Variants in C9orf153 observed in about 807,000 individuals in gnomAD.
C9orf153 encodes the protein chromosome 9 open reading frame 153, also known as uncharacterized protein C9orf153.
A neutral mutation model predicts 9.0 loss-of-function variants in C9orf153; 10 were observed. That is an observed-to-expected ratio of 1.11 (90% CI 0.69 to 1.89). The LOEUF is 1.89. Among genes scored for constraint, C9orf153 ranks in the 40% most tolerant of loss-of-function variants. The probability of loss-of-function intolerance (pLI) is 0.00; values close to 1 mark genes in which losing one functional copy is unlikely to be tolerated. For synonymous variants in C9orf153, 35 were observed against 37.3 expected, an observed-to-expected ratio of 0.94 and a Z score of 0.23; for missense variants, 108 against 111.0, an observed-to-expected ratio of 0.97 and a Z score of 0.12.
At chr9:86,242,621 TTGTC>T (rs1271726110) in intron 1 of C9orf153, among the ~76,000 whole-genome samples, 3 of 152,150 alleles carry the variant, frequency 2.0e-5, no homozygotes, top group South Asian at 2.1e-4. Flanking sequence ...GAAAATACGT[TTGTC>T]TGTCAAGTGA....
At chr9:86,242,160 G>A (rs924155851) in intron 1 of C9orf153, among the ~76,000 whole-genome samples, 2 of 152,134 alleles carry the variant, frequency 1.3e-5, no homozygotes, top group African/African-American at 4.8e-5. Context: ...TGAGCCCTGA[G>A]AAAAACAGGA....
chr9:86,229,584 G>A lies in C9orf153; in HGVS notation c.20C>T (p.Thr7Ile). The A allele has an allele frequency of 6.2e-7, 1 of 1,612,498 alleles. No homozygotes were observed. Among genetic ancestry groups the A allele is most frequent in the Non-Finnish European group, 8.5e-7 (1 of 1,178,598 alleles). The change falls in exon 2 of 4, where the codon ACC (threonine) becomes ATC (isoleucine). Residue 7 changes from threonine (T) to isoleucine (I), a missense_variant. Coordinates refer to ENST00000339137, the MANE Select transcript of C9orf153 (RefSeq NM_001276366.4). ...TTCTCTATTGTCCTCAGCTGGACTG[G>A]TGTCTCCAGTGAGGAACATCGTGCT... MFLTGD[T>I]SPAEDNREAT...
chr9:86,254,804 C>A (rs1825076744), intron 1 of C9orf153, among the ~76,000 whole-genome samples: 1 of 152,150 alleles, frequency 6.6e-6, no homozygotes, highest in African/African-American at 2.4e-5. Context: ...CACCTGTAAT[C>A]CCAGCACTGT....
intron 1 of C9orf153, among the ~76,000 whole-genome samples, chr9:86,248,228 G>A (rs988484406): frequency 6.6e-6 from 1 of 151,934 alleles, no homozygotes; most frequent in African/African-American, 2.4e-5. Context: ...CCACCTCTTG[G>A]GTTCAAGCGA....
At position 86,229,648 on chromosome 9, in the gene C9orf153, G is replaced by A. The variant is rs1824423052; in HGVS notation, c.-26-19C>T. 1 of 1,396,420 alleles carries A rather than the reference G, an allele frequency of 7.2e-7. No individual in the cohort carries two copies. The highest frequency in any genetic ancestry group is 1.0e-6 in the Non-Finnish European group (1 of 989,536). The allele number at this position is 1,396,420 out of a possible 1,614,324, so 86.5% of individuals were successfully genotyped here. A position where few individuals can be genotyped will look rare whatever the true frequency, so the allele number is the denominator to read the frequency against. On this transcript the variant is annotated intron_variant, in intron 1 of 3. Coordinates refer to ENST00000339137, the MANE Select transcript of C9orf153 (RefSeq NM_001276366.4). ...CTAATTCCTAAAAAAAGCAATATGAGAAAAGACAAAAATCAAAGATTAAAA... is the reference window on the plus strand; with the variant it reads ...CTAATTCCTAAAAAAAGCAATATGAAAAAAGACAAAAATCAAAGATTAAAA...
chr9:86,242,127 G>A (rs1171825193), intron 1 of C9orf153, among the ~76,000 whole-genome samples: 1 of 152,196 alleles, frequency 6.6e-6, no homozygotes, highest in African/African-American at 2.4e-5. Flanking sequence ...TAACATTTGA[G>A]CCAAAGCCTG....
chr9:86,237,239 T>C (rs73486916), intron 1 of C9orf153, among the ~76,000 whole-genome samples: 9,612 of 152,070 alleles, frequency 0.063, 1,069 homozygotes, highest in African/African-American at 0.22. Flanking sequence ...CTATTAAAAC[T>C]ACAAGAGGCA....
chr9:86,232,592 C>T (rs963350559), intron 1 of C9orf153, among the ~76,000 whole-genome samples: 6 of 152,094 alleles, frequency 3.9e-5, no homozygotes, highest in African/African-American at 1.4e-4. Flanking sequence ...GGATGGTATC[C>T]TCTTCTCCAT....
intron 3 of C9orf153, among the ~76,000 whole-genome samples, chr9:86,226,751 T>TTTTG (rs548367748): frequency 3.1e-4 from 45 of 146,436 alleles, no homozygotes; most frequent in Admixed American, 7.4e-4. Context: ...TTTCATGGTT[T>TTTTG]TTTGTTTGTT....
Position 86,229,694 on chromosome 9 carries a change from G to A in C9orf153, c.-26-65C>T. 6 of 925,700 alleles carry A rather than the reference G, an allele frequency of 6.5e-6. No homozygotes were observed. In the South Asian group the frequency reaches 8.9e-5, roughly 14 times the overall value. The allele number at this position is 925,700 out of a possible 1,614,324, so 57.3% of individuals were successfully genotyped here. ...TAAAAATCAGATAGAATACAAAGGG[G>A]GAGGTGAGACTTCTTAAATCTTAAT... On this transcript the variant is annotated intron_variant, in intron 1 of 3. Transcript: ENST00000339137.
chr9:86,244,481 T>C (rs1824821217), intron 1 of C9orf153, among the ~76,000 whole-genome samples: 1 of 152,232 alleles, frequency 6.6e-6, no homozygotes, highest in Admixed American at 6.5e-5. Context: ...AACACTGATT[T>C]AGTAGTGGTC....
chr9:86,258,730 C>CT (rs200388445), intron 1 of C9orf153: 3 of 152,248 alleles, frequency 2.0e-5, no homozygotes, highest in East Asian at 1.9e-4. Flanking sequence ...TTTAACGAAA[C>CT]TTTTTTTAAA....
intron 3 of C9orf153, chr9:86,227,520 C>T: frequency 7.3e-7 from 1 of 1,366,368 alleles, no homozygotes; most frequent in Middle Eastern, 2.0e-4. Context: ...TTTTCTCCCA[C>T]ATGGCCTCAT....
At chr9:86,243,350 C>T (rs933130001) in intron 1 of C9orf153, among the ~76,000 whole-genome samples, 1 of 152,112 alleles carries the variant, frequency 6.6e-6, no homozygotes, top group Admixed American at 6.6e-5. Flanking sequence ...CAAGTATAAA[C>T]CTTTCACTAC....
At chr9:86,221,775 A>G in intron 3 of C9orf153, 42 bp from the exon 4 acceptor site, 12 of 1,382,994 alleles carry the variant, frequency 8.7e-6, no homozygotes, top group Middle Eastern at 1.8e-4. Context: ...TGGTGTTGTT[A>G]CTCAGCCTTT....
At chr9:86,238,097 C>A (rs369742165) in intron 1 of C9orf153, among the ~76,000 whole-genome samples, 105 of 151,962 alleles carry the variant, frequency 6.9e-4, no homozygotes, top group African/African-American at 2.4e-3. Flanking sequence ...AACCAAAAAA[C>A]AAAACAAAAC....
At chr9:86,225,543 C>G (rs1457452455) in intron 3 of C9orf153, among the ~76,000 whole-genome samples, 1 of 152,068 alleles carries the variant, frequency 6.6e-6, no homozygotes, top group Non-Finnish European at 1.5e-5. Context: ...ACCACAACCT[C>G]TGCCTCCTGG....
At chr9:86,227,726 A>T in intron 3 of C9orf153, 129 bp downstream of exon 3, 1 of 1,412,288 alleles carries the variant, frequency 7.1e-7, no homozygotes, top group Non-Finnish European at 9.2e-7. Context: ...GGGAGGGGAG[A>T]TCCCACACTG....
In C9orf153 at chr9:86,240,710, T is replaced by TTC. The variant is rs769355054; in HGVS notation, c.-26-11082_-26-11081insGA. Among the ~76,000 whole-genome samples, 19 of 31,256 alleles carry TTC rather than the reference T, an allele frequency of 6.1e-4. No homozygotes were observed. In the South Asian group the frequency reaches 8.2e-3, roughly 14 times the overall value. 20.5% of individuals were successfully genotyped at this position (31,256 alleles called of 152,430 possible). A position where few individuals can be genotyped will look rare whatever the true frequency, so the allele number is the denominator to read the frequency against. On this transcript the variant is annotated intron_variant, in intron 1 of 3. Coordinates refer to ENST00000339137, the MANE Select transcript of C9orf153 (RefSeq NM_001276366.4). The stretch of plus-strand genomic sequence containing the variant: ...CTTTTCTTTTCTTTTTCTTTTTCTT[T>TTC]TTTTTTTTTTTTTTTTGAGATGGAG...
Sources: allele counts gnomAD v4.1 joint callset (sites outside exome capture counted in the v4.1 genomes callset), GRCh38; gene constraint gnomAD v4.1.1; transcripts MANE v1.5; gene names NCBI Gene and HGNC (gene_info 2026-07-23, HGNC 2026-07-21).